USP25: variants seen among roughly 807,000 people sequenced by gnomAD.
USP25 encodes the protein ubiquitin specific peptidase 25.
USP25 carries 85 observed loss-of-function variants against 158.5 expected under a neutral mutation model. That is an observed-to-expected ratio of 0.54 (90% confidence interval 0.45 to 0.64). The LOEUF is 0.64. Among genes scored for constraint, USP25 ranks in the 30% least tolerant of loss-of-function variants. The probability of loss-of-function intolerance (pLI) is 0.00; values close to 1 mark genes in which losing one functional copy is unlikely to be tolerated. For synonymous variants in USP25, 464 were observed against 460.4 expected (o/e 1.01, Z -0.10); for missense variants, 1,242 against 1,327.3 (o/e 0.94, Z 1.00).
chr21:15,784,892 A>G (rs77585530), intron 4 of USP25, among the ~76,000 whole-genome samples: 11,436 of 152,084 alleles, frequency 0.075, 495 homozygotes, highest in East Asian at 0.099. Flanking sequence ...GCATGAGTAA[A>G]TTATTACTTA....
intron 1 of USP25, among the ~76,000 whole-genome samples, chr21:15,745,248 TC>T (rs1234288989): frequency 1.3e-5 from 2 of 152,190 alleles, no homozygotes; most frequent in Non-Finnish European, 2.9e-5. Context: ...TAAGATTATT[TC>T]CCAATTTCTT....
chr21:15,831,375 T>G, intron 15 of USP25, 26 bp from the exon 16 acceptor site: 1 of 1,608,020 alleles, frequency 6.2e-7, no homozygotes, highest in South Asian at 1.1e-5. Context: ...TAATTGCAGT[T>G]TAACTCTTCT....
At chr21:15,840,650 A>G (rs1306286900) in intron 17 of USP25, among the ~76,000 whole-genome samples, 1 of 152,166 alleles carries the variant, frequency 6.6e-6, no homozygotes, top group Non-Finnish European at 1.5e-5. Flanking sequence ...TTTGTACTCA[A>G]ACTCCTTTAT....
chr21:15,768,064 T>G (rs559123260), intron 3 of USP25, among the ~76,000 whole-genome samples: 7 of 152,228 alleles, frequency 4.6e-5, no homozygotes, highest in African/African-American at 1.7e-4. Flanking sequence ...TTTTGTGTGT[T>G]TGTGGATCTC....
Position 15,827,085 on chromosome 21 carries a change from C to T in USP25, c.1575C>T (p.Ser525=), listed in dbSNP as rs772690313. Residue 525 remains serine (S), a synonymous_variant, in exon 14 of 26, where the codon TCC becomes TCT. Coordinates refer to ENST00000400183, the MANE Select transcript of USP25 (RefSeq NM_001283041.3). Reference sequence around the variant, plus strand: ...TAATACACAAACCATTTACTCAGTCCCGGATACCTCCAGATTTGCCCATGC... The same window carrying T: ...TAATACACAAACCATTTACTCAGTCTCGGATACCTCCAGATTTGCCCATGC... ...RSVIHKPFTQ[S]RIPPDLPMHP... is the part of the protein sequence containing the mutation. 1.2e-6 allele frequency: 2 copies of T among 1,614,120 alleles called. No homozygotes were observed. The highest frequency in any genetic ancestry group is 8.5e-7 in the Non-Finnish European group (1 of 1,180,018).
At chr21:15,870,682 C>T (rs1285889609) in intron 23 of USP25, among the ~76,000 whole-genome samples, 1 of 152,144 alleles carries the variant, frequency 6.6e-6, no homozygotes, top group Non-Finnish European at 1.5e-5. Context: ...ATGTATTTCT[C>T]CACATATTTC....
intron 7 of USP25, among the ~76,000 whole-genome samples, chr21:15,805,984 C>T (rs998167194): frequency 1.3e-5 from 2 of 152,196 alleles, no homozygotes; most frequent in African/African-American, 2.4e-5. Flanking sequence ...AGAGGAAGGT[C>T]TGAGATTCTC....
intron 3 of USP25, among the ~76,000 whole-genome samples, chr21:15,769,965 C>T (rs930552853): frequency 2.0e-5 from 3 of 151,160 alleles, no homozygotes; most frequent in Admixed American, 6.6e-5. Context: ...ATTTATAAGC[C>T]GTTTTTTTTT....
At chr21:15,836,862 C>A (rs965580792) in intron 17 of USP25, among the ~76,000 whole-genome samples, 2 of 141,780 alleles carry the variant, frequency 1.4e-5, no homozygotes, top group Non-Finnish European at 3.1e-5. Flanking sequence ...AGTAGGGGAG[C>A]AAACTTACCT....
intron 1 of USP25, among the ~76,000 whole-genome samples, chr21:15,745,976 T>C (rs6517612): frequency 0.16 from 23,841 of 152,208 alleles, 3,949 homozygotes; most frequent in African/African-American, 0.42. Context: ...CTTTCATCAT[T>C]GAATTATATT....
intron 1 of USP25, among the ~76,000 whole-genome samples, chr21:15,732,960 A>G (rs1390949595): frequency 6.6e-6 from 1 of 152,158 alleles, no homozygotes; most frequent in Non-Finnish European, 1.5e-5. Flanking sequence ...TCTGAGGTTT[A>G]GGTATTTCAG....
chr21:15,839,461 C>T (rs2038222506), intron 17 of USP25, among the ~76,000 whole-genome samples: 1 of 152,070 alleles, frequency 6.6e-6, no homozygotes, highest in South Asian at 2.1e-4. Context: ...GCCTTCCATA[C>T]AGAACAACAC....
At chr21:15,795,569 T>C (rs916276159) in intron 5 of USP25, among the ~76,000 whole-genome samples, 4 of 151,610 alleles carry the variant, frequency 2.6e-5, no homozygotes, top group Non-Finnish European at 4.4e-5. Context: ...AAAGTAAGTC[T>C]AGAGAAATGG....
intron 10 of USP25, among the ~76,000 whole-genome samples, chr21:15,821,799 T>G (rs974828017): frequency 1.3e-5 from 2 of 151,914 alleles, no homozygotes; most frequent in Non-Finnish European, 2.9e-5. Context: ...CTCTCCACAT[T>G]TGTGTAATCC....
intron 10 of USP25, among the ~76,000 whole-genome samples, chr21:15,822,448 G>A (rs2037282164): frequency 6.6e-6 from 1 of 151,882 alleles, no homozygotes; most frequent in Non-Finnish European, 1.5e-5. Flanking sequence ...ACTTTTCATG[G>A]TCTACAGAAA....
intron 4 of USP25, among the ~76,000 whole-genome samples, chr21:15,780,701 T>C (rs570356584): frequency 6.6e-6 from 1 of 152,174 alleles, no homozygotes; most frequent in Non-Finnish European, 1.5e-5. Context: ...GAAAGAAGGA[T>C]CATGTCCAGG....
At chr21:15,779,876 G>A (rs1453667914) in intron 4 of USP25, among the ~76,000 whole-genome samples, 1 of 152,044 alleles carries the variant, frequency 6.6e-6, no homozygotes, top group East Asian at 1.9e-4. Flanking sequence ...TTAATTATGT[G>A]TAAATTCAAT....
At chr21:15,803,417 G>T (rs2036227047) in intron 6 of USP25, among the ~76,000 whole-genome samples, 1 of 151,582 alleles carries the variant, frequency 6.6e-6, no homozygotes, top group African/African-American at 2.4e-5. Flanking sequence ...TAGAGAAGTG[G>T]GGCTTATCCA....
chr21:15,793,743 G>A (rs887978362), intron 5 of USP25, among the ~76,000 whole-genome samples: 2 of 151,464 alleles, frequency 1.3e-5, no homozygotes, highest in Non-Finnish European at 3.0e-5. Context: ...ATCAGATTGT[G>A]GAAAATGATG....
Sources: allele counts gnomAD v4.1 joint callset (sites outside exome capture counted in the v4.1 genomes callset), GRCh38; gene constraint gnomAD v4.1.1; transcripts MANE v1.5; gene names NCBI Gene and HGNC (gene_info 2026-07-23, HGNC 2026-07-21).